Variants in GRM5 observed in about 807,000 individuals in gnomAD.
GRM5 encodes glutamate metabotropic receptor 5, also known as metabotropic glutamate receptor 5.
GRM5 carries 19 observed loss-of-function variants against 83.1 expected under a neutral mutation model. The observed-to-expected ratio is 0.23, with a 90% confidence interval of 0.16 to 0.34. The LOEUF is 0.34. Among genes scored for constraint, GRM5 ranks in the 10% least tolerant of loss-of-function variants. The pLI is 1.00. For missense variants in GRM5, 1,160 were observed against 1,588.3 expected (o/e 0.73, Z 4.58); for synonymous variants, 675 against 633.6 (o/e 1.07, Z -0.98).
At chr11:88,999,738 G>T (rs942093058) in intron 2 of GRM5, among the ~76,000 whole-genome samples, 1 of 152,074 alleles carries the variant, frequency 6.6e-6, no homozygotes, top group African/African-American at 2.4e-5. Context: ...CCATTACTGG[G>T]TATATACCCG....
chr11:88,669,080 T>G (rs1410504458), intron 3 of GRM5, among the ~76,000 whole-genome samples: 2 of 152,172 alleles, frequency 1.3e-5, no homozygotes, highest in East Asian at 3.8e-4. Context: ...TGAAGAGATA[T>G]ATACACCCTC....
chr11:88,720,148 C>A (rs1941500255), intron 3 of GRM5, among the ~76,000 whole-genome samples: 1 of 151,992 alleles, frequency 6.6e-6, no homozygotes, highest in South Asian at 2.1e-4. Context: ...AGTTGTTGAA[C>A]AAATCCATGT....
At chr11:88,741,321 G>A (rs1000183417) in intron 3 of GRM5, among the ~76,000 whole-genome samples, 2 of 151,984 alleles carry the variant, frequency 1.3e-5, no homozygotes, top group Admixed American at 1.3e-4. Context: ...CAACTTGGTT[G>A]CAATAGGGCA....
intron 2 of GRM5, among the ~76,000 whole-genome samples, chr11:88,876,847 A>C (rs1157230170): frequency 6.6e-6 from 1 of 152,134 alleles, no homozygotes; most frequent in Non-Finnish European, 1.5e-5. Context: ...CAGATAAAAA[A>C]TGTGGTATAT....
chr11:88,915,177 AATTC>A (rs1162122225), intron 2 of GRM5, among the ~76,000 whole-genome samples: 1 of 152,136 alleles, frequency 6.6e-6, no homozygotes, highest in Non-Finnish European at 1.5e-5. Context: ...GAGCAAGAGA[AATTC>A]AGTGAAGGAG....
chr11:89,008,120 CTG>C (rs550207741), intron 2 of GRM5, among the ~76,000 whole-genome samples: 53 of 151,860 alleles, frequency 3.5e-4, no homozygotes, highest in African/African-American at 1.2e-3. Context: ...TAAAAGGAAA[CTG>C]TGAAAAAACA....
At chr11:88,745,712 A>G (rs909165908) in intron 3 of GRM5, among the ~76,000 whole-genome samples, 2 of 152,182 alleles carry the variant, frequency 1.3e-5, no homozygotes, top group South Asian at 4.1e-4. Flanking sequence ...CCAGTGTGAG[A>G]CCTCACAGAT....
At chr11:89,042,225 A>T (rs1484237251) in intron 2 of GRM5, among the ~76,000 whole-genome samples, 1 of 152,138 alleles carries the variant, frequency 6.6e-6, no homozygotes, top group African/African-American at 2.4e-5. Context: ...AGTTATTAAC[A>T]CTTTCAGCCA....
intron 3 of GRM5, among the ~76,000 whole-genome samples, chr11:88,720,772 C>T (rs1257479456): frequency 6.6e-6 from 1 of 150,884 alleles, no homozygotes; most frequent in Non-Finnish European, 1.5e-5. Context: ...CAGACTCACA[C>T]AGGTTTGCAG....
intron 7 of GRM5, among the ~76,000 whole-genome samples, chr11:88,573,440 T>C (rs1943046556): frequency 6.6e-6 from 1 of 152,166 alleles, no homozygotes; most frequent in South Asian, 2.1e-4. Context: ...CAAGTGTCTC[T>C]TCAGGGAGAG....
intron 3 of GRM5, among the ~76,000 whole-genome samples, chr11:88,811,760 A>T (rs1943592484): frequency 6.6e-6 from 1 of 152,102 alleles, no homozygotes; most frequent in Non-Finnish European, 1.5e-5. Context: ...TACCACAGGC[A>T]CACAATATAT....
chr11:88,565,415 T>C (rs879672261), intron 8 of GRM5, among the ~76,000 whole-genome samples: 1 of 152,230 alleles, frequency 6.6e-6, no homozygotes, highest in Non-Finnish European at 1.5e-5. Flanking sequence ...CACCACTCCA[T>C]GCTGTCTCCC....
chr11:88,627,217 T>C (rs1938824667), intron 4 of GRM5, among the ~76,000 whole-genome samples: 1 of 152,234 alleles, frequency 6.6e-6, no homozygotes, highest in South Asian at 2.1e-4. Context: ...ATCTAGCCTG[T>C]CAAATGCCAA....
chr11:88,765,973 G>A (rs920061780), intron 3 of GRM5, among the ~76,000 whole-genome samples: 1 of 151,634 alleles, frequency 6.6e-6, no homozygotes, highest in Non-Finnish European at 1.5e-5. Context: ...AAAATATAGA[G>A]AAGTCCTAAA....
intron 2 of GRM5, among the ~76,000 whole-genome samples, chr11:88,945,075 A>G (rs1307721366): frequency 2.0e-5 from 3 of 151,696 alleles, no homozygotes; most frequent in Non-Finnish European, 4.4e-5. Context: ...ATAACATTCA[A>G]GCTGAAATCC....
intron 5 of GRM5, among the ~76,000 whole-genome samples, chr11:88,603,346 G>GC (rs1565356669): frequency 6.6e-6 from 1 of 152,148 alleles, no homozygotes; most frequent in Non-Finnish European, 1.5e-5. Context: ...GATTCTATCA[G>GC]CAAGTCCTAA....
At chr11:88,524,513 C>T (rs929688900) in intron 9 of GRM5, among the ~76,000 whole-genome samples, 3 of 150,422 alleles carry the variant, frequency 2.0e-5, no homozygotes, top group African/African-American at 7.3e-5. Context: ...CCAATGCGCC[C>T]GGCCCCAGGG....
chr11:89,056,816 T>G (rs1941885941), intron 1 of GRM5, among the ~76,000 whole-genome samples: 1 of 152,172 alleles, frequency 6.6e-6, no homozygotes, highest in African/African-American at 2.4e-5. Context: ...AGTACCTATT[T>G]TCAGAAGTAT....
intron 3 of GRM5, among the ~76,000 whole-genome samples, chr11:88,753,266 A>T (rs1942321917): frequency 6.6e-6 from 1 of 152,180 alleles, no homozygotes; most frequent in African/African-American, 2.4e-5. Context: ...GAGAAAAAAC[A>T]ACCCCATCAA....
Sources: allele counts gnomAD v4.1 joint callset (sites outside exome capture counted in the v4.1 genomes callset), GRCh38; gene constraint gnomAD v4.1.1; transcripts MANE v1.5; gene names NCBI Gene and HGNC (gene_info 2026-07-23, HGNC 2026-07-21).